Variants in CACNB4 observed in about 807,000 individuals in gnomAD.
The protein encoded by CACNB4 is voltage-dependent L-type calcium channel subunit beta-4.
A neutral mutation model predicts 71.2 loss-of-function variants in CACNB4; 32 were observed. The observed-to-expected ratio is 0.45, with a 90% CI of 0.34 to 0.60. CACNB4 has a LOEUF of 0.60. Among genes scored for constraint, CACNB4 ranks in the 20% least tolerant of loss-of-function variants. The pLI, the probability that CACNB4 is intolerant of heterozygous loss-of-function variation, is 0.01. For synonymous variants in CACNB4, 231 were observed against 236.9 expected (o/e 0.97, Z 0.23); for missense variants, 464 against 647.9 (o/e 0.72, Z 3.08).
intron 2 of CACNB4, among the ~76,000 whole-genome samples, chr2:151,891,470 T>C (rs887573458): frequency 2.6e-5 from 4 of 152,250 alleles, no homozygotes; most frequent in African/African-American, 7.2e-5. Context: ...GGTTGAATCA[T>C]GAAATTGCAA....
rs532178677 is a variant in CACNB4 at position 151,847,718 on chromosome 2, C to A, written c.1117-5630G>T. ...TCTCTTTTAAAAAATACAAAAATCT[C>A]TTTTAAAAAATACAAAAATTAGCTG... On this transcript the variant is annotated intron_variant, in intron 12 of 13. Transcript: ENST00000539935. 4.6e-5 allele frequency among the ~76,000 whole-genome samples: 7 copies of A among 152,164 alleles called. No homozygotes were observed. In the South Asian group the frequency reaches 1.2e-3, roughly 27 times the overall value.
At chr2:152,045,855 G>A (rs976278972) in intron 2 of CACNB4, among the ~76,000 whole-genome samples, 8 of 151,818 alleles carry the variant, frequency 5.3e-5, no homozygotes, top group Admixed American at 1.3e-4. Flanking sequence ...TCAATGAAAA[G>A]GAAAAAAACA....
At chr2:151,926,257 A>G (rs1036548682) in intron 2 of CACNB4, among the ~76,000 whole-genome samples, 1 of 152,226 alleles carries the variant, frequency 6.6e-6, no homozygotes, top group African/African-American at 2.4e-5. Context: ...AGGAAAACCA[A>G]GAGAGTGTGT....
chr2:152,088,614 A>T (rs576322074), intron 2 of CACNB4, among the ~76,000 whole-genome samples: 2 of 152,358 alleles, frequency 1.3e-5, no homozygotes, highest in South Asian at 2.1e-4. Flanking sequence ...TAGAACAGAA[A>T]ATGAGAAATG....
intron 4 of CACNB4, 122 bp from the exon 5 acceptor site, chr2:151,876,678 T>C (rs1385848184): frequency 1.9e-6 from 1 of 522,908 alleles, no homozygotes; most frequent in East Asian, 3.7e-5. Context: ...ATATTTTATA[T>C]AAACTATATT....
chr2:151,840,890 A>T (rs2099836036), intron 13 of CACNB4, among the ~76,000 whole-genome samples: 1 of 152,192 alleles, frequency 6.6e-6, no homozygotes, highest in Non-Finnish European at 1.5e-5. Context: ...TCCAGCAGCT[A>T]CTTGATGAAT....
chr2:152,065,072 A>G (rs1227425947), intron 2 of CACNB4, among the ~76,000 whole-genome samples: 1 of 152,084 alleles, frequency 6.6e-6, no homozygotes, highest in East Asian at 1.9e-4. Context: ...GGTAAATGTG[A>G]TTTACTTGCA....
At chr2:152,011,911 G>A (rs1177659047) in intron 2 of CACNB4, among the ~76,000 whole-genome samples, 3 of 152,128 alleles carry the variant, frequency 2.0e-5, no homozygotes, top group African/African-American at 7.2e-5. Flanking sequence ...ATAGCATGAG[G>A]CATTACTCAG....
chr2:152,085,163 T>C (rs970091576), intron 2 of CACNB4, among the ~76,000 whole-genome samples: 3 of 151,662 alleles, frequency 2.0e-5, no homozygotes, highest in Non-Finnish European at 2.9e-5. Flanking sequence ...AGTGGAGGGA[T>C]GAAAGCAGGG....
chr2:151,978,725 G>T (rs2099874210), intron 2 of CACNB4, among the ~76,000 whole-genome samples: 1 of 152,158 alleles, frequency 6.6e-6, no homozygotes, highest in Non-Finnish European at 1.5e-5. Context: ...AAGCCCTGAT[G>T]CCCTTGCCTC....
At chr2:152,059,333 C>A (rs1685887233) in intron 2 of CACNB4, among the ~76,000 whole-genome samples, 2 of 152,270 alleles carry the variant, frequency 1.3e-5, no homozygotes, top group South Asian at 4.1e-4. Flanking sequence ...GCCGTGAAAG[C>A]AGCCAGGGTG....
At chr2:151,876,931 ATATAC>A (rs895816033) in intron 4 of CACNB4, among the ~76,000 whole-genome samples, 5 of 146,766 alleles carry the variant, frequency 3.4e-5, no homozygotes, top group African/African-American at 7.4e-5. Flanking sequence ...ATATATCTAT[ATATAC>A]TATATTTATA....
At position 152,004,657 on chromosome 2, in the gene CACNB4, GA is replaced by G. The variant is rs553084210; in HGVS notation, c.147+93672del. The stretch of plus-strand genomic sequence containing the variant: ...CTGATGCAGGAAGGAGTTGACTTAT[GA>G]AATGACAGAGTCCCTTCTAGTTTTC... On this transcript the variant is annotated intron_variant, in intron 2 of 13. Transcript: ENST00000539935. Among the ~76,000 whole-genome samples, 50 of 152,172 alleles carry G rather than the reference GA, an allele frequency of 3.3e-4. No individual in the cohort carries two copies. The South Asian group carries it at 1.0e-2, about 30-fold the overall frequency.
chr2:152,035,791 T>G (rs1382888634), intron 2 of CACNB4, among the ~76,000 whole-genome samples: 1 of 152,120 alleles, frequency 6.6e-6, no homozygotes, highest in Non-Finnish European at 1.5e-5. Flanking sequence ...CATTTGAGTT[T>G]AAAACTTCAA....
In CACNB4 at chr2:151,869,372, T is replaced by C. The variant is rs894289749; in HGVS notation, c.700-137A>G. 19 of 588,254 alleles carry C rather than the reference T, an allele frequency of 3.2e-5. No individual in the cohort carries two copies. In the African/African-American group the frequency reaches 3.4e-4, roughly 11 times the overall value. 36.4% of individuals were successfully genotyped at this position (588,254 alleles called of 1,614,324 possible). A position where few individuals can be genotyped will look rare whatever the true frequency, so the allele number is the denominator to read the frequency against. ...AGCCATTCGTCTCCTAGGGGGAGGT[T>C]ACCATGGAAGGTGTTTTTCATGCTT... On this transcript the variant is annotated intron_variant, in intron 8 of 13. Coordinates refer to ENST00000539935, the MANE Select transcript of CACNB4 (RefSeq NM_000726.5).
intron 2 of CACNB4, among the ~76,000 whole-genome samples, chr2:151,995,655 G>A (rs1387749055): frequency 6.6e-6 from 1 of 152,210 alleles, no homozygotes; most frequent in Non-Finnish European, 1.5e-5. Flanking sequence ...CTTGCAGTGA[G>A]CCAAGATCAC....
At chr2:152,091,995 T>A (rs751077673) in intron 2 of CACNB4, among the ~76,000 whole-genome samples, 1 of 152,236 alleles carries the variant, frequency 6.6e-6, no homozygotes, top group Non-Finnish European at 1.5e-5. Context: ...AAGCTCCATA[T>A]GTCCTTGCAT....
chr2:151,966,852 T>C (rs905827951), intron 2 of CACNB4, among the ~76,000 whole-genome samples: 3 of 152,080 alleles, frequency 2.0e-5, no homozygotes, highest in Non-Finnish European at 4.4e-5. Flanking sequence ...ATAATATATA[T>C]CTGATTTTAA....
intron 2 of CACNB4, among the ~76,000 whole-genome samples, chr2:151,919,132 A>G (rs940140770): frequency 6.6e-5 from 10 of 152,170 alleles, no homozygotes; most frequent in Non-Finnish European, 1.2e-4. Flanking sequence ...TCAGTTCTAC[A>G]TTGATCTGGG....
Sources: allele counts gnomAD v4.1 joint callset (sites outside exome capture counted in the v4.1 genomes callset), GRCh38; gene constraint gnomAD v4.1.1; transcripts MANE v1.5; gene names NCBI Gene and HGNC (gene_info 2026-07-23, HGNC 2026-07-21).